The following TULP4 variants were observed in gnomAD, a reference collection of about 807,000 sequenced individuals.
The protein encoded by TULP4 is TUB like protein 4, also known as tubby-related protein 4.
In TULP4, 16 loss-of-function variants were observed where a neutral mutation model predicts 129.0. That is an observed-to-expected ratio of 0.12 (90% CI 0.08 to 0.19). The LOEUF (loss-of-function observed/expected upper bound fraction) is 0.19, where lower values mean the gene tolerates loss of function less well. Among genes scored for constraint, TULP4 ranks in the 10% least tolerant of loss-of-function variants. The pLI is 1.00. For missense variants in TULP4, 1,842 were observed against 2,059.1 expected (o/e 0.89, Z 2.04); for synonymous variants, 998 against 854.0 (o/e 1.17, Z -2.94).
chr6:158,426,745 G>C (rs1778503230), intron 2 of TULP4, among the ~76,000 whole-genome samples: 1 of 151,980 alleles, frequency 6.6e-6, no homozygotes, highest in Non-Finnish European at 1.5e-5. Flanking sequence ...GTTTTTTTCT[G>C]GTTCTATGAA....
At chr6:158,356,593 T>G (rs1411349126) in intron 1 of TULP4, among the ~76,000 whole-genome samples, 2 of 151,734 alleles carry the variant, frequency 1.3e-5, no homozygotes, top group Non-Finnish European at 2.9e-5. Flanking sequence ...GGCAGTTAGG[T>G]GGTTGGGGCT....
upstream of TULP4, among the ~76,000 whole-genome samples, chr6:158,310,158 T>C (rs1030677099): frequency 6.6e-6 from 1 of 152,102 alleles, no homozygotes; most frequent in Non-Finnish European, 1.5e-5. Flanking sequence ...GAAAATTGTT[T>C]TAATTGGCTC....
chr6:158,344,853 C>A (rs11755558), intron 1 of TULP4, among the ~76,000 whole-genome samples: 3,583 of 152,290 alleles, frequency 0.024, 62 homozygotes, highest in Non-Finnish European at 0.036. Flanking sequence ...CCGAGACAAG[C>A]TGAAAACCAG....
chr6:158,274,253 T>G (rs1428361813), intron 1 of TULP4, among the ~76,000 whole-genome samples: 3 of 150,354 alleles, frequency 2.0e-5, no homozygotes, highest in Non-Finnish European at 4.4e-5. Context: ...GTGAGAGTCT[T>G]TCTCAAAAAA....
chr6:158,383,533 T>A (rs369524586), intron 1 of TULP4, among the ~76,000 whole-genome samples: 166 of 152,330 alleles, frequency 1.1e-3, no homozygotes, highest in African/African-American at 3.9e-3. Context: ...TATAAGGAGA[T>A]GAACCTTATA....
At chr6:158,354,907 G>C (rs1305162897) in intron 1 of TULP4, among the ~76,000 whole-genome samples, 1 of 120,516 alleles carries the variant, frequency 8.3e-6, no homozygotes, top group African/African-American at 3.2e-5. Flanking sequence ...AAAAAAACCA[G>C]AAAGCCCTCA....
intron 1 of TULP4, among the ~76,000 whole-genome samples, chr6:158,321,538 G>T (rs1041048571): frequency 6.6e-6 from 1 of 151,862 alleles, no homozygotes; most frequent in African/African-American, 2.4e-5. Context: ...ATTTCCCCCC[G>T]CCCCTTGAAC....
At chr6:158,363,308 CAT>C (rs1439462737) in intron 1 of TULP4, among the ~76,000 whole-genome samples, 1 of 152,110 alleles carries the variant, frequency 6.6e-6, no homozygotes, top group African/African-American at 2.4e-5. Context: ...AATGTGTTAA[CAT>C]ATCACAGATC....
chr6:158,412,982 G>A lies in TULP4; in HGVS notation c.253-83G>A, dbSNP rs1344240441. 2.6e-6 allele frequency: 4 copies of A among 1,524,738 alleles called. No homozygotes were observed. The African/African-American group carries it at 5.5e-5, about 21-fold the overall frequency. The allele number at this position is 1,524,738 out of a possible 1,614,324, so 94.5% of individuals were successfully genotyped here. On this transcript the variant is annotated intron_variant, in intron 1 of 13. Coordinates refer to ENST00000367097, the MANE Select transcript of TULP4 (RefSeq NM_020245.5). Reference sequence around the variant, plus strand: ...CCCTTTATTGACTGCATTCTAATTAGTTCAAGTCTGATCACATCACAGAAA... The same window carrying A: ...CCCTTTATTGACTGCATTCTAATTAATTCAAGTCTGATCACATCACAGAAA...
At chr6:158,423,132 G>A (rs951819278) in intron 2 of TULP4, among the ~76,000 whole-genome samples, 2 of 150,954 alleles carry the variant, frequency 1.3e-5, no homozygotes, top group African/African-American at 4.9e-5. Flanking sequence ...AGGGGGGGGG[G>A]GGGAAAGAAA....
intron 1 of TULP4, among the ~76,000 whole-genome samples, chr6:158,328,994 G>A (rs946356303): frequency 6.6e-6 from 1 of 152,138 alleles, no homozygotes; most frequent in Non-Finnish European, 1.5e-5. Context: ...TAGGATGGGT[G>A]GGAAGGGTGC....
At chr6:158,387,356 G>T (rs139370203) in intron 1 of TULP4, among the ~76,000 whole-genome samples, 93 of 152,206 alleles carry the variant, frequency 6.1e-4, no homozygotes, top group African/African-American at 2.2e-3. Flanking sequence ...AACACAACAT[G>T]CTGTAATAAA....
intron 8 of TULP4, among the ~76,000 whole-genome samples, chr6:158,484,358 C>T (rs901530190): frequency 2.0e-5 from 3 of 151,872 alleles, no homozygotes; most frequent in South Asian, 2.1e-4. Flanking sequence ...ACCGTGTTTC[C>T]CAGGCTGGTC....
chr6:158,443,464 C>T (rs780465200), intron 3 of TULP4, among the ~76,000 whole-genome samples: 4 of 152,082 alleles, frequency 2.6e-5, no homozygotes, highest in Non-Finnish European at 4.4e-5. Context: ...TTCTCTACTC[C>T]TAGAAATTGA....
intron 1 of TULP4, among the ~76,000 whole-genome samples, chr6:158,388,734 T>TG (rs1312842378): frequency 6.6e-6 from 1 of 151,372 alleles, no homozygotes; most frequent in Non-Finnish European, 1.5e-5. Flanking sequence ...ACTTGAAAAA[T>TG]AAACTTACTG....
intron 8 of TULP4, among the ~76,000 whole-genome samples, chr6:158,487,854 A>G (rs1219633792): frequency 1.3e-5 from 2 of 152,240 alleles, no homozygotes; most frequent in Non-Finnish European, 2.9e-5. Flanking sequence ...TTATTCTTTC[A>G]GAAAGTATTT....
intron 1 of TULP4, among the ~76,000 whole-genome samples, chr6:158,366,390 G>A (rs1780965409): frequency 6.6e-6 from 1 of 152,206 alleles, no homozygotes; most frequent in South Asian, 2.1e-4. Flanking sequence ...GCCCTTCTCA[G>A]TAGTGAGTAG....
chr6:158,271,149 C>CA lies in TULP4; in HGVS notation n.68+38866dup, dbSNP rs1220844247. Among the ~76,000 whole-genome samples, 707 of 78,614 alleles carry CA rather than the reference C, an allele frequency of 9.0e-3. 3 individuals carry two copies. The highest frequency in any genetic ancestry group is 0.022 in the African/African-American group (452 of 20,990). The allele number at this position is 78,614 out of a possible 152,430, so 51.6% of individuals were successfully genotyped here. On this transcript the variant is annotated intron_variant and non_coding_transcript_variant, in intron 1 of 1. Coordinates refer to the TULP4 transcript ENST00000620026. ...TGGGTGACAAAGTGAGACTCTGTCT[C>CA]AAAAAAAAAAAAAAAAAAAAGATGC...
intron 5 of TULP4, among the ~76,000 whole-genome samples, chr6:158,454,414 C>A (rs1040039110): frequency 1.3e-5 from 2 of 152,126 alleles, no homozygotes; most frequent in African/African-American, 4.8e-5. Flanking sequence ...TTTTTGAGAA[C>A]CTGCCTCTAG....
Sources: gnomAD v4.1 joint callset for allele counts (sites outside exome capture counted in the v4.1 genomes callset) on GRCh38, gnomAD v4.1.1 for gene constraint, MANE v1.5 for transcripts, NCBI Gene and HGNC (gene_info 2026-07-23, HGNC 2026-07-21) for gene names.